Variants in TUBG1 observed in about 807,000 individuals in gnomAD.
TUBG1 encodes the protein tubulin gamma 1, also known as tubulin gamma-1 chain.
Under a neutral mutation model 53.3 loss-of-function variants are expected in TUBG1, and 22 were observed. The observed-to-expected ratio is 0.41, with a 90% CI of 0.29 to 0.59. The LOEUF is 0.59. Ranked by LOEUF, TUBG1 falls within the 20% of genes least tolerant of loss-of-function variation. TUBG1 has a pLI of 0.26. For missense variants in TUBG1, 217 were observed against 598.9 expected, an observed-to-expected ratio of 0.36 and a Z score of 6.66; for synonymous variants, 198 against 236.7, an observed-to-expected ratio of 0.84 and a Z score of 1.50.
chr17:42,612,542 A>G (rs770583046), intron 5 of TUBG1, 36 bp downstream of exon 5: 3 of 1,606,156 alleles, frequency 1.9e-6, no homozygotes, highest in Non-Finnish European at 2.6e-6. Flanking sequence ...AAGGTCTCCA[A>G]CTTGGCTTCC....
In TUBG1 at chr17:42,614,764, C is replaced by T; in HGVS notation, c.1159-80C>T. 1 of 1,608,828 alleles carries T rather than the reference C, an allele frequency of 6.2e-7. No homozygotes were observed. The highest frequency in any genetic ancestry group is 1.3e-5 in the African/African-American group (1 of 74,906). On this transcript the variant is annotated intron_variant, in intron 10 of 10. Transcript: ENST00000251413. This position sits in a 1 kb window ranked among gnomAD's most constrained non-coding sequence, Gnocchi z 5.1. ...TCTAGCTTTTTTGCTGTGGGCATAGCCCAGCCTTGGTTCCCCAGCTTTCTG... is the reference window on the plus strand; with the variant it reads ...TCTAGCTTTTTTGCTGTGGGCATAGTCCAGCCTTGGTTCCCCAGCTTTCTG...
chr17:42,613,248 G>C (rs926833506), intron 6 of TUBG1, among the ~76,000 whole-genome samples, 175 bp downstream of exon 6: 1 of 152,052 alleles, frequency 6.6e-6, no homozygotes, highest in African/African-American at 2.4e-5. Context: ...TTAGGAGTTC[G>C]AGACCAGCCT....
At position 42,610,104 on chromosome 17, in the gene TUBG1, C is replaced by G. The variant is rs749955320; in HGVS notation, c.50-4C>G. 1.1e-5 allele frequency: 17 copies of G among 1,614,230 alleles called. No homozygotes were observed. Among genetic ancestry groups the G allele is most frequent in the East Asian group, 2.2e-5 (1 of 44,888 alleles). The stretch of plus-strand genomic sequence containing the variant: ...TTTCTCCCCTGCCCGCCCCTTCCCC[C>G]CAGTTGGGTTCGAGTTCTGGAAACA... On this transcript the variant is annotated splice_region_variant and splice_polypyrimidine_tract_variant and intron_variant, in intron 1 of 10. Coordinates refer to ENST00000251413, the MANE Select transcript of TUBG1 (RefSeq NM_001070.5).
In TUBG1 at chr17:42,609,690, G is replaced by C. The variant is rs1439264061; in HGVS notation, c.-48G>C. Reference sequence around the variant, plus strand: ...TCTTGCGGCGAGCGGGCTGGCGTGCGGCGCCGTTGCGGGCGGGAGCGGCTG... The same window carrying C: ...TCTTGCGGCGAGCGGGCTGGCGTGCCGCGCCGTTGCGGGCGGGAGCGGCTG... On this transcript the variant is annotated 5_prime_UTR_variant, in exon 1 of 11. Transcript: ENST00000251413. 1 of 1,532,182 alleles carries C rather than the reference G, an allele frequency of 6.5e-7. No individual in the cohort carries two copies. The highest frequency in any genetic ancestry group is 8.8e-7 in the Non-Finnish European group (1 of 1,138,718). 94.9% of individuals were successfully genotyped at this position (1,532,182 alleles called of 1,614,324 possible).
intron 1 of TUBG1, 112 bp from the exon 2 acceptor site, chr17:42,609,996 C>T (rs1317364541): frequency 9.3e-6 from 13 of 1,393,688 alleles, no homozygotes; most frequent in African/African-American, 1.4e-5. Context: ...CGGGAGAGTC[C>T]TGCGGCTTGA....
At chr17:42,612,228 C>A in intron 4 of TUBG1, 85 bp downstream of exon 4, 1 of 1,434,366 alleles carries the variant, frequency 7.0e-7, no homozygotes, top group Non-Finnish European at 9.8e-7. Flanking sequence ...GGAACAAGAC[C>A]CACTCATGTA....
In TUBG1 at chr17:42,613,561, G is replaced by A. The variant is rs1567931438; in HGVS notation, c.607-86G>A. The A allele has an allele frequency of 5.0e-6, 8 of 1,595,132 alleles. No homozygotes were observed. The South Asian group carries it at 6.6e-5, about 13-fold the overall frequency. On this transcript the variant is annotated intron_variant, in intron 6 of 10. Coordinates refer to ENST00000251413, the MANE Select transcript of TUBG1 (RefSeq NM_001070.5). ...AGTCTTTCTGGCCATGAAGCTCAAA[G>A]GAAATTAAGCTTCAGAGCCTAGGGT...
chr17:42,614,283 G>A lies in TUBG1; in HGVS notation c.867G>A (p.Thr289=), dbSNP rs1486259848. ...DQSVASVRKT[T]VLDVMRRLLQ... ...AGGTGGCCAGCGTGAGGAAGACCAC[G>A]GTCCTGGATGTCATGAGGCGGCTGC... The change falls in exon 9 of 11, where the codon ACG becomes ACA. Residue 289 remains threonine (T), a synonymous_variant. Coordinates refer to ENST00000251413, the MANE Select transcript of TUBG1 (RefSeq NM_001070.5). The surrounding 1 kb of genome is among the most constrained non-coding windows in gnomAD (Gnocchi z 5.1). 9.3e-6 allele frequency: 15 copies of A among 1,613,956 alleles called. No individual in the cohort carries two copies. In the Admixed American group the frequency reaches 1.3e-4, roughly 14 times the overall value.
At chr17:42,612,885 G>A (rs893854482) in intron 5 of TUBG1, 62 bp from the exon 6 acceptor site, 2 of 1,601,614 alleles carry the variant, frequency 1.2e-6, no homozygotes, top group South Asian at 2.2e-5. Context: ...CAGTTGTTAG[G>A]GAGCGCCATG....
In TUBG1 at chr17:42,612,158, A is replaced by G. The variant is rs778439431; in HGVS notation, c.399+15A>G. ...ACAGTCTAGAGGTAAGTGTCCCAGG[A>G]ATGCTGGTAGGAGCCGACATGGGCA... is the stretch of plus-strand genomic sequence containing the variant. On this transcript the variant is annotated intron_variant, in intron 4 of 10. Transcript: ENST00000251413. The G allele has an allele frequency of 5.6e-6, 9 of 1,613,836 alleles. No homozygotes were observed. Among genetic ancestry groups the G allele is most frequent in the Non-Finnish European group, 7.6e-6 (9 of 1,179,812 alleles).
rs184388842 is a variant in TUBG1 at position 42,611,750 on chromosome 17, G to A, written c.331-325G>A. On this transcript the variant is annotated intron_variant, in intron 3 of 10. Coordinates refer to ENST00000251413, the MANE Select transcript of TUBG1 (RefSeq NM_001070.5). ...ATGCGCCTATAATCCCAGCTACTGG[G>A]GAGGCTGAGGCAGGAGAATCGCTTG... is the stretch of plus-strand genomic sequence containing the variant. 3.8e-3 allele frequency among the ~76,000 whole-genome samples: 572 copies of A among 152,324 alleles called. 4 individuals carry two copies. Among genetic ancestry groups the A allele is most frequent in the African/African-American group, 0.013 (548 of 41,566 alleles).
At chr17:42,610,676 A>C (rs747382543) in intron 3 of TUBG1, 86 bp downstream of exon 3, 11 of 1,585,514 alleles carry the variant, frequency 6.9e-6, no homozygotes, top group Non-Finnish European at 9.5e-6. Context: ...AAACCGGATC[A>C]GGGATGTATG....
At position 42,612,132 on chromosome 17, in the gene TUBG1, GAC is replaced by G; in HGVS notation, c.390_391del (p.Asp130GlufsTer29). ...DIIDREADGSDSLEGFVLCHS... is the reference protein window; with the variant it reads ...DIIDREADGSXSLEGFVLCHS... ...CATAGACCGGGAGGCAGATGGTAGTGACAGTCTAGAGGTAAGTGTCCCAGGAA... is the reference window on the plus strand; with the variant it reads ...CATAGACCGGGAGGCAGATGGTAGTGAGTCTAGAGGTAAGTGTCCCAGGAA... On this transcript the variant is annotated frameshift_variant, in exon 4 of 11. Coordinates refer to ENST00000251413, the MANE Select transcript of TUBG1 (RefSeq NM_001070.5). LOFTEE classifies it high-confidence loss of function. 1.2e-6 allele frequency: 2 copies of G among 1,614,126 alleles called. No homozygotes were observed. Among genetic ancestry groups the G allele is most frequent in the Non-Finnish European group, 1.7e-6 (2 of 1,179,988 alleles).
At position 42,614,576 on chromosome 17, in the gene TUBG1, C is replaced by T. The variant is rs1597749998; in HGVS notation, c.1077C>T (p.Ala359=). Reference sequence around the variant, plus strand: ...GGGGCCCCGCCAGCATCCAGGTGGCCCTGTCGAGGAAGTCTCCCTACCTGC... The same window carrying T: ...GGGGCCCCGCCAGCATCCAGGTGGCTCTGTCGAGGAAGTCTCCCTACCTGC... The part of the protein sequence containing the change: ...IPWGPASIQV[A]LSRKSPYLPS... Residue 359 remains alanine, a synonymous_variant, in exon 10 of 11, where the codon GCC becomes GCT. Coordinates refer to ENST00000251413, the MANE Select transcript of TUBG1 (RefSeq NM_001070.5). The surrounding 1 kb of genome is among the most constrained non-coding windows in gnomAD (Gnocchi z 5.1). 2 of 1,614,134 alleles carry T rather than the reference C, an allele frequency of 1.2e-6. No homozygotes were observed. The highest frequency in any genetic ancestry group is 1.7e-6 in the Non-Finnish European group (2 of 1,179,990).
Position 42,614,125 on chromosome 17 carries a change from G to A in TUBG1, c.843+127G>A, listed in dbSNP as rs2052057624. The A allele has an allele frequency of 5.0e-6, 8 of 1,585,172 alleles. No homozygotes were observed. In the East Asian group the frequency reaches 1.8e-4, roughly 36 times the overall value. ...TGGACCCCAAGGCGCGGCGCTCAGGGACTGGCACAGAGTGGGCGACTTTCT... is the reference window on the plus strand; with the variant it reads ...TGGACCCCAAGGCGCGGCGCTCAGGAACTGGCACAGAGTGGGCGACTTTCT... On this transcript the variant is annotated intron_variant, in intron 8 of 10. Coordinates refer to ENST00000251413, the MANE Select transcript of TUBG1 (RefSeq NM_001070.5). This position sits in a 1 kb window ranked among gnomAD's most constrained non-coding sequence, Gnocchi z 5.1.
Position 42,615,126 on chromosome 17 carries a change from G to C in TUBG1, c.*85G>C. ...ACCACCCCCTCAGAGCACAGATCAG[G>C]GACCTCACGCATCTCTTTCTCATAT... On this transcript the variant is annotated 3_prime_UTR_variant, in exon 11 of 11. Transcript: ENST00000251413. 1 of 1,361,908 alleles carries C rather than the reference G, an allele frequency of 7.3e-7. No individual in the cohort carries two copies. The highest frequency in any genetic ancestry group is 2.0e-5 in the Admixed American group (1 of 50,472). 84.4% of individuals were successfully genotyped at this position (1,361,908 alleles called of 1,614,324 possible).
At chr17:42,609,959 C>T (rs2052018101) in intron 1 of TUBG1, 149 bp from the exon 2 acceptor site, 2 of 1,288,184 alleles carry the variant, frequency 1.6e-6, no homozygotes, top group Non-Finnish European at 1.1e-6. Flanking sequence ...CTGCCCAGTC[C>T]CTGGCGTACA....
rs781390204 is a variant in TUBG1 at position 42,614,018 on chromosome 17, T to C, written c.843+20T>C. The C allele has an allele frequency of 1.2e-6, 2 of 1,614,116 alleles. No individual in the cohort carries two copies. The highest frequency in any genetic ancestry group is 3.3e-5 in the Admixed American group (2 of 60,022). On this transcript the variant is annotated intron_variant, in intron 8 of 10. Coordinates refer to ENST00000251413, the MANE Select transcript of TUBG1 (RefSeq NM_001070.5). The surrounding 1 kb of genome is among the most constrained non-coding windows in gnomAD (Gnocchi z 5.1). ...CAGTCAGTAAGAGCAGCCTTCAGTG[T>C]CCCAGGCCAGGCCGGCCCTGGGCCC...
Position 42,612,123 on chromosome 17 carries a change from G to C in TUBG1, c.379G>C (p.Asp127His). Reference sequence around the variant, plus strand: ...TTTTGACATCATAGACCGGGAGGCAGATGGTAGTGACAGTCTAGAGGTAAG... The same window carrying C: ...TTTTGACATCATAGACCGGGAGGCACATGGTAGTGACAGTCTAGAGGTAAG... ...DIFDIIDREA[D>H]GSDSLEGFVL... Residue 127 changes from aspartate to histidine, a missense_variant, in exon 4 of 11, where the codon GAT (aspartate) becomes CAT (histidine). Transcript: ENST00000251413. The C allele has an allele frequency of 6.2e-7, 1 of 1,614,152 alleles. No individual in the cohort carries two copies. Among genetic ancestry groups the C allele is most frequent in the Non-Finnish European group, 8.5e-7 (1 of 1,180,008 alleles).
Sources: allele counts gnomAD v4.1 joint callset (sites outside exome capture counted in the v4.1 genomes callset), GRCh38; gene constraint gnomAD v4.1.1; non-coding constraint Gnocchi (gnomAD v3.1); transcripts MANE v1.5; gene names NCBI Gene and HGNC (gene_info 2026-07-23, HGNC 2026-07-21).